Variants in ZFR observed in about 807,000 individuals in gnomAD.
The protein encoded by ZFR is zinc finger RNA-binding protein.
In ZFR, 19 loss-of-function variants were observed where a neutral mutation model predicts 130.7. That is an observed-to-expected ratio of 0.15 (90% confidence interval 0.10 to 0.21). The LOEUF (loss-of-function observed/expected upper bound fraction) is 0.21, where lower values mean the gene tolerates loss of function less well. ZFR is among the 10% of genes least tolerant of loss of function. The pLI is 1.00. For missense variants in ZFR, 872 were observed against 1,321.5 expected, an observed-to-expected ratio of 0.66 and a Z score of 5.27; for synonymous variants, 466 against 456.9, an observed-to-expected ratio of 1.02 and a Z score of -0.25.
At chr5:32,415,501 TGTGTGTGTGTGTGTGCGCGC>T (rs1351145174) in intron 4 of ZFR, among the ~76,000 whole-genome samples, 18 of 104,892 alleles carry the variant, frequency 1.7e-4, no homozygotes, top group African/African-American at 6.9e-4. Flanking sequence ...TGTGTGTGTG[TGTGTGTGTGTGTGTGCGCGC>T]GCGCGCGCGC....
intron 8 of ZFR, among the ~76,000 whole-genome samples, chr5:32,401,655 A>G (rs1345896894): frequency 2.6e-5 from 4 of 152,216 alleles, no homozygotes; most frequent in Non-Finnish European, 5.9e-5. Flanking sequence ...TGGGCCTTAT[A>G]TGACAAATGA....
At chr5:32,398,599 G>T (rs1160017169) in intron 9 of ZFR, among the ~76,000 whole-genome samples, 1 of 152,178 alleles carries the variant, frequency 6.6e-6, no homozygotes, top group African/African-American at 2.4e-5. Flanking sequence ...TTAAAAGTCA[G>T]AATTATTTCT....
At chr5:32,422,798 CAAAAAAAAA>C (rs10693151) in intron 2 of ZFR, among the ~76,000 whole-genome samples, 8 of 24,008 alleles carry the variant, frequency 3.3e-4, no homozygotes, top group African/African-American at 5.9e-4. Context: ...AAACCTGTCT[CAAAAAAAAA>C]AAAAAAAAAA....
At position 32,444,133 on chromosome 5, in the gene ZFR, G is replaced by A. The variant is rs143735374; in HGVS notation, c.137+96C>T. On this transcript the variant is annotated intron_variant, in intron 2 of 19. Coordinates refer to ENST00000265069, the MANE Select transcript of ZFR (RefSeq NM_016107.5). ...CAGGCCTGCAGCGGGCCGGGGCTCT[G>A]GGATGGCTGGGGACGGGCGCGGGGG... 6,577 of 1,400,618 alleles carry A rather than the reference G, an allele frequency of 4.7e-3. 267 individuals are homozygous for A. In the African/African-American group the frequency reaches 0.084, roughly 18 times the overall value. The allele number at this position is 1,400,618 out of a possible 1,614,324, so 86.8% of individuals were successfully genotyped here.
chr5:32,402,613 GAAA>G (rs61102954), intron 8 of ZFR, among the ~76,000 whole-genome samples: 1 of 121,960 alleles, frequency 8.2e-6, no homozygotes, highest in South Asian at 2.8e-4. Context: ...CCAAAAAAAA[GAAA>G]AAAAAAAAAA....
intron 2 of ZFR, 78 bp downstream of exon 2, chr5:32,444,151 C>T (rs1272236653): frequency 2.3e-5 from 34 of 1,495,510 alleles, no homozygotes; most frequent in Non-Finnish European, 2.8e-5. Flanking sequence ...TGGGGACGGG[C>T]GCGGGGGCGT....
rs543732680 is a variant in ZFR, at chr5:32,393,508, A to T, written c.1979+1651T>A. 5.3e-5 allele frequency among the ~76,000 whole-genome samples: 8 copies of T among 152,024 alleles called. No homozygotes were observed. In the East Asian group the frequency reaches 9.7e-4, roughly 18 times the overall value. ...ACAGGCATGCGCCACCACGCCGGCTAATTTTGTATTTTTAGTAGAGATGGG... is the reference window on the plus strand; with the variant it reads ...ACAGGCATGCGCCACCACGCCGGCTTATTTTGTATTTTTAGTAGAGATGGG... On this transcript the variant is annotated intron_variant, in intron 11 of 19. Transcript: ENST00000265069.
Position 32,410,283 on chromosome 5 carries a change from CAAAAAAAAAA to C in ZFR, c.785-3272_785-3263del, listed in dbSNP as rs3065266. ...GGGTGACACAGCAAGACACTGTCTC[CAAAAAAAAAA>C]AAAAAAAAAAAAAAAATGTACTTTC... On this transcript the variant is annotated intron_variant, in intron 5 of 19. Transcript: ENST00000265069. 2.6e-3 allele frequency among the ~76,000 whole-genome samples: 289 copies of C among 113,158 alleles called. 3 individuals carry two copies. The highest frequency in any genetic ancestry group is 8.5e-3 in the African/African-American group (257 of 30,092). 74.2% of individuals were successfully genotyped at this position (113,158 alleles called of 152,430 possible). A position where few individuals can be genotyped will look rare whatever the true frequency, so the allele number is the denominator to read the frequency against.
chr5:32,368,726 T>C (rs967901744), intron 17 of ZFR, among the ~76,000 whole-genome samples: 2 of 152,254 alleles, frequency 1.3e-5, no homozygotes, highest in Non-Finnish European at 2.9e-5. Context: ...CTCTTCATTA[T>C]AGCTACCACT....
chr5:32,399,842 G>T (rs1168739934), intron 9 of ZFR, among the ~76,000 whole-genome samples, 165 bp downstream of exon 9: 3 of 152,124 alleles, frequency 2.0e-5, no homozygotes, highest in Non-Finnish European at 4.4e-5. Flanking sequence ...ACTTAGGCAG[G>T]CTTAAAGGAC....
At chr5:32,426,012 C>T (rs188443583) in intron 2 of ZFR, among the ~76,000 whole-genome samples, 8 of 152,162 alleles carry the variant, frequency 5.3e-5, no homozygotes, top group African/African-American at 1.4e-4. Context: ...ATTTATTATC[C>T]CTTTATGCAA....
intron 2 of ZFR, among the ~76,000 whole-genome samples, chr5:32,430,079 C>CAA (rs56163955): frequency 0.024 from 1,703 of 70,162 alleles, 88 homozygotes; most frequent in African/African-American, 0.071. Flanking sequence ...GACCCTATTT[C>CAA]AAAAAAAAAA....
At chr5:32,411,150 C>T (rs1423669) in intron 5 of ZFR, among the ~76,000 whole-genome samples, 149,331 of 152,334 alleles carry the variant, frequency 0.98, 73,235 homozygotes, top group African/African-American at 0.99. Flanking sequence ...CATGGCTGAC[C>T]GTGACTCTAG....
At position 32,378,111 on chromosome 5, in the gene ZFR, C is replaced by T. The variant is rs563515747; in HGVS notation, c.2835+1004G>A. Among the ~76,000 whole-genome samples, 21 of 152,262 alleles carry T rather than the reference C, an allele frequency of 1.4e-4. No individual in the cohort carries two copies. The South Asian group carries it at 2.5e-3, about 18-fold the overall frequency. On this transcript the variant is annotated intron_variant, in intron 17 of 19. Coordinates refer to ENST00000265069, the MANE Select transcript of ZFR (RefSeq NM_016107.5). ...TTTTTTGAAATTTTCAATGACCCAACCTTCTGGTGAACAATTAGTACATGT... is the reference window on the plus strand; with the variant it reads ...TTTTTTGAAATTTTCAATGACCCAATCTTCTGGTGAACAATTAGTACATGT...
intron 15 of ZFR, 128 bp downstream of exon 15, chr5:32,385,377 TAAA>T: frequency 9.1e-7 from 1 of 1,095,450 alleles, no homozygotes; most frequent in Non-Finnish European, 1.3e-6. Context: ...AACCGGTTGC[TAAA>T]TAAGTCAAAT....
intron 2 of ZFR, among the ~76,000 whole-genome samples, chr5:32,438,253 A>ATTTTTTTTTTTT (rs869249272): frequency 0.01 from 633 of 60,960 alleles, 104 homozygotes; most frequent in African/African-American, 0.014. Flanking sequence ...TTATCTGAAA[A>ATTTTTTTTTTTT]TTTTTTTTTT....
chr5:32,377,351 G>A (rs577149113), intron 17 of ZFR, among the ~76,000 whole-genome samples: 9 of 150,704 alleles, frequency 6.0e-5, no homozygotes, highest in Non-Finnish European at 8.9e-5. Flanking sequence ...TCCTGCCTCA[G>A]CCTCCTGAGT....
chr5:32,390,482 A>G (rs1753143910), intron 11 of ZFR, 45 bp from the exon 12 acceptor site: 4 of 1,553,970 alleles, frequency 2.6e-6, no homozygotes, highest in Non-Finnish European at 3.5e-6. Context: ...GGAAAAATAC[A>G]GCCCAAGAAC....
intron 1 of ZFR, 139 bp downstream of exon 1, chr5:32,444,483 C>T: frequency 7.7e-7 from 1 of 1,290,968 alleles, no homozygotes; most frequent in Non-Finnish European, 1.0e-6. Context: ...CCTCCCGCCT[C>T]GCACTCCCTC....
Sources: allele counts gnomAD v4.1 joint callset (sites outside exome capture counted in the v4.1 genomes callset), GRCh38; gene constraint gnomAD v4.1.1; transcripts MANE v1.5; gene names NCBI Gene and HGNC (gene_info 2026-07-23, HGNC 2026-07-21).